The following INPP4B variants were observed in gnomAD, a reference collection of about 807,000 sequenced individuals.
INPP4B encodes the protein inositol polyphosphate-4-phosphatase type II B.
INPP4B carries 55 observed loss-of-function variants against 122.5 expected under a neutral mutation model. The observed-to-expected ratio is 0.45, with a 90% confidence interval of 0.36 to 0.56. The LOEUF is 0.56. Ranked by LOEUF, INPP4B falls within the 20% of genes least tolerant of loss-of-function variation. The pLI, the probability that INPP4B is intolerant of heterozygous loss-of-function variation, is 0.00. For missense variants in INPP4B, 1,000 were observed against 1,097.7 expected, an observed-to-expected ratio of 0.91 and a Z score of 1.26; for synonymous variants, 403 against 388.7, an observed-to-expected ratio of 1.04 and a Z score of -0.43.
At chr4:142,813,025 T>C (rs1779701415) in intron 1 of INPP4B, among the ~76,000 whole-genome samples, 1 of 152,172 alleles carries the variant, frequency 6.6e-6, no homozygotes, top group Non-Finnish European at 1.5e-5. Flanking sequence ...CAGCTTCTCA[T>C]GTTCTTGTGA....
At chr4:142,395,813 A>G (rs1463554112) in intron 7 of INPP4B, among the ~76,000 whole-genome samples, 3 of 152,196 alleles carry the variant, frequency 2.0e-5, no homozygotes, top group East Asian at 1.9e-4. Flanking sequence ...GGATGCATAC[A>G]TTATTCCAAT....
intron 15 of INPP4B, among the ~76,000 whole-genome samples, chr4:142,183,494 T>C (rs1831776665): frequency 6.6e-6 from 1 of 152,262 alleles, no homozygotes; most frequent in Non-Finnish European, 1.5e-5. Flanking sequence ...TGAGATGTTC[T>C]ACACTTAGCT....
At chr4:142,245,001 C>A (rs113421771) in intron 11 of INPP4B, among the ~76,000 whole-genome samples, 5,232 of 152,244 alleles carry the variant, frequency 0.034, 286 homozygotes, top group African/African-American at 0.12. Context: ...TTTTCATATG[C>A]CTGTGGGCCA....
At chr4:142,839,829 A>T (rs1344182864) in intron 1 of INPP4B, among the ~76,000 whole-genome samples, 2 of 152,216 alleles carry the variant, frequency 1.3e-5, no homozygotes, top group African/African-American at 4.8e-5. Context: ...CTTTTAAAAA[A>T]GGAAATGCAT....
At chr4:142,141,593 A>T (rs1807862922) in intron 18 of INPP4B, among the ~76,000 whole-genome samples, 1 of 152,134 alleles carries the variant, frequency 6.6e-6, no homozygotes, top group South Asian at 2.1e-4. Flanking sequence ...GTCTCTCAGC[A>T]CTATCTGCAT....
Position 142,720,773 on chromosome 4 carries a change from C to CATATATATATAA in INPP4B, c.-191+5065_-191+5066insTTATATATATAT, listed in dbSNP as rs1560996533. ...ACATATATATATAATCTCTCTCTCT[C>CATATATATATAA]TCTCTCTCTCTCTCTCTCTCTCTCT... On this transcript the variant is annotated intron_variant, in intron 2 of 25. Transcript: ENST00000262992. Among the ~76,000 whole-genome samples, 87 of 11,742 alleles carry CATATATATATAA rather than the reference C, an allele frequency of 7.4e-3. 4 individuals carry two copies. Among genetic ancestry groups the CATATATATATAA allele is most frequent in the African/African-American group, 0.021 (63 of 3,072 alleles). 7.7% of individuals were successfully genotyped at this position (11,742 alleles called of 152,430 possible). A position where few individuals can be genotyped will look rare whatever the true frequency, so the allele number is the denominator to read the frequency against.
At chr4:142,386,712 A>G (rs568163406) in intron 7 of INPP4B, among the ~76,000 whole-genome samples, 18 of 152,130 alleles carry the variant, frequency 1.2e-4, no homozygotes, top group African/African-American at 4.1e-4. Flanking sequence ...TTTTTCCACT[A>G]TGTGGCTCCA....
chr4:142,496,959 G>A (rs974529777), intron 2 of INPP4B: 4 of 149,680 alleles, frequency 2.7e-5, no homozygotes, highest in South Asian at 2.1e-4. Context: ...AAAAAAAAGG[G>A]GGGGGGAAGA....
chr4:142,524,317 T>A (rs1328580305), intron 2 of INPP4B, among the ~76,000 whole-genome samples: 2 of 152,080 alleles, frequency 1.3e-5, no homozygotes, highest in Non-Finnish European at 2.9e-5. Flanking sequence ...CTCCAGCACC[T>A]GTTGTTTCCT....
At chr4:142,694,367 G>A (rs1329285240) in intron 2 of INPP4B, among the ~76,000 whole-genome samples, 3 of 139,164 alleles carry the variant, frequency 2.2e-5, no homozygotes, top group Non-Finnish European at 1.5e-5. Flanking sequence ...AACGAGACTC[G>A]TCTCAAAAAA....
intron 2 of INPP4B, among the ~76,000 whole-genome samples, chr4:142,465,314 T>C (rs563727992): frequency 6.6e-6 from 1 of 152,284 alleles, no homozygotes; most frequent in East Asian, 1.9e-4. Context: ...CAGTATTTAC[T>C]AAAACCCAAT....
chr4:142,371,179 C>T (rs1477136283), intron 7 of INPP4B, among the ~76,000 whole-genome samples: 1 of 152,060 alleles, frequency 6.6e-6, no homozygotes, highest in Non-Finnish European at 1.5e-5. Context: ...GGGGAAAGGA[C>T]ACCCTTTTCA....
intron 17 of INPP4B, among the ~76,000 whole-genome samples, chr4:142,148,174 C>G (rs1561288417): frequency 6.6e-6 from 1 of 152,192 alleles, no homozygotes. Context: ...ATTTTCCAGA[C>G]TAGCTTTGTT....
intron 2 of INPP4B, among the ~76,000 whole-genome samples, chr4:142,704,882 C>T (rs1269769894): frequency 6.6e-6 from 1 of 152,210 alleles, no homozygotes; most frequent in Non-Finnish European, 1.5e-5. Flanking sequence ...TCCTTCATGT[C>T]ACAGTAATCT....
At chr4:142,042,676 C>T (rs1320143356) in intron 25 of INPP4B, among the ~76,000 whole-genome samples, 1 of 152,122 alleles carries the variant, frequency 6.6e-6, no homozygotes, top group Non-Finnish European at 1.5e-5. Context: ...GATTCTCCTG[C>T]CTCAGCCTCC....
intron 2 of INPP4B, among the ~76,000 whole-genome samples, chr4:142,467,577 T>C (rs562264029): frequency 6.6e-6 from 1 of 152,070 alleles, no homozygotes; most frequent in African/African-American, 2.4e-5. Flanking sequence ...CACAGGTTCA[T>C]AGATGGAAGG....
At position 142,713,789 on chromosome 4, in the gene INPP4B, G is replaced by C. The variant is rs113135790; in HGVS notation, c.-191+12050C>G. On this transcript the variant is annotated intron_variant, in intron 2 of 25. Coordinates refer to ENST00000262992, the MANE Select transcript of INPP4B (RefSeq NM_001101669.3). The stretch of plus-strand genomic sequence containing the variant: ...TGTGCTGGCCTCTTCTACATCCTGG[G>C]GGTTTTAAGATCCTGCTCATTTAGG... Among the ~76,000 whole-genome samples, 8 of 152,216 alleles carry C rather than the reference G, an allele frequency of 5.3e-5. 1 individual carries two copies. Among genetic ancestry groups the C allele is most frequent in the African/African-American group, 1.9e-4 (8 of 41,552 alleles).
At chr4:142,486,729 G>T (rs1168857380) in intron 2 of INPP4B, among the ~76,000 whole-genome samples, 1 of 152,030 alleles carries the variant, frequency 6.6e-6, no homozygotes, top group African/African-American at 2.4e-5. Context: ...CTTTTTTAAA[G>T]TTTTATATTT....
At chr4:142,102,136 ACTTAAGCCAT>A (rs914980066) in intron 23 of INPP4B, among the ~76,000 whole-genome samples, 24 of 151,958 alleles carry the variant, frequency 1.6e-4, no homozygotes, top group African/African-American at 5.8e-4. Context: ...TTGTGCCTTG[ACTTAAGCCAT>A]CTTTGCTCCA....
Sources: gnomAD v4.1 joint callset for allele counts (sites outside exome capture counted in the v4.1 genomes callset) on GRCh38, gnomAD v4.1.1 for gene constraint, MANE v1.5 for transcripts, NCBI Gene and HGNC (gene_info 2026-07-23, HGNC 2026-07-21) for gene names.